Variants in ST7L observed in about 807,000 individuals in gnomAD.
ST7L encodes suppression of tumorigenicity 7 like, also known as suppressor of tumorigenicity 7 protein-like.
Under a neutral mutation model 72.5 loss-of-function variants are expected in ST7L, and 57 were observed. The ratio of observed to expected loss-of-function variants is 0.79; its 90% CI spans 0.64 to 0.98. The LOEUF (loss-of-function observed/expected upper bound fraction) is 0.98, where lower values mean the gene tolerates loss of function less well. ST7L is among the 50% of genes least tolerant of loss of function. The pLI, the probability that ST7L is intolerant of heterozygous loss-of-function variation, is 0.00. For missense variants in ST7L, 576 were observed against 672.2 expected, an observed-to-expected ratio of 0.86 and a Z score of 1.58; for synonymous variants, 221 against 240.9, an observed-to-expected ratio of 0.92 and a Z score of 0.77.
intron 14 of ST7L, among the ~76,000 whole-genome samples, chr1:112,536,226 TCAAA>T (rs1655183670): frequency 6.6e-6 from 1 of 152,202 alleles, no homozygotes; most frequent in African/African-American, 2.4e-5. Flanking sequence ...TAATCCATTT[TCAAA>T]CAAAGTGAAG....
intron 1 of ST7L, chr1:112,618,044 T>C (rs1670202261): frequency 7.7e-6 from 10 of 1,304,058 alleles, no homozygotes; most frequent in Non-Finnish European, 9.1e-6. Context: ...AAGGGGACAT[T>C]TGCTGCCTTT....
At chr1:112,580,665 C>T (rs1663959427) in intron 9 of ST7L, among the ~76,000 whole-genome samples, 1 of 152,172 alleles carries the variant, frequency 6.6e-6, no homozygotes, top group African/African-American at 2.4e-5. Flanking sequence ...TGGCTCACGC[C>T]TGTAATCCCA....
At chr1:112,605,700 A>G (rs1426847243) in intron 3 of ST7L, among the ~76,000 whole-genome samples, 3 of 152,016 alleles carry the variant, frequency 2.0e-5, no homozygotes, top group Admixed American at 6.6e-5. Flanking sequence ...AAAAAAAAAA[A>G]AGAGAAAAAG....
At chr1:112,577,350 G>T (rs1222157437) in intron 10 of ST7L, among the ~76,000 whole-genome samples, 1 of 151,252 alleles carries the variant, frequency 6.6e-6, no homozygotes, top group Non-Finnish European at 1.5e-5. Flanking sequence ...CCAACATGGA[G>T]AAACCCCGTC....
At position 112,550,667 on chromosome 1, in the gene ST7L, C is replaced by T; in HGVS notation, c.1423G>A (p.Glu475Lys). The change falls in exon 13 of 15, where the codon GAG becomes AAG. Residue 475 changes from glutamate to lysine, a missense_variant. Glu to Lys is a moderately conservative substitution (Grantham distance 56). This residue lies in a region of ST7L where 511 missense variants were observed against 600.7 expected (regional missense o/e 0.85). Transcript: ENST00000358039. ...TAAGGGTAAAATAGATGTCCTTTCT[C>T]TAACGGGTATGGAATCATTCTAAAA... is the stretch of plus-strand genomic sequence containing the variant. ...GTFRMIPYPL[E>K]KGHLFYPYPS... The T allele has an allele frequency of 2.5e-6, 4 of 1,613,338 alleles. No homozygotes were observed. Among genetic ancestry groups the T allele is most frequent in the Non-Finnish European group, 3.4e-6 (4 of 1,179,590 alleles).
intron 11 of ST7L, among the ~76,000 whole-genome samples, chr1:112,562,087 C>T (rs1324380702): frequency 1.3e-5 from 2 of 151,910 alleles, no homozygotes; most frequent in Non-Finnish European, 2.9e-5. Context: ...CTGCCTCAAC[C>T]TCCTTAGTAG....
At chr1:112,560,830 G>T (rs1482631815) in intron 11 of ST7L, among the ~76,000 whole-genome samples, 1 of 152,100 alleles carries the variant, frequency 6.6e-6, no homozygotes, top group East Asian at 1.9e-4. Context: ...AGGCATGGTG[G>T]TGGGTGCCTG....
At chr1:112,536,369 CA>C (rs1655205869) in intron 14 of ST7L, among the ~76,000 whole-genome samples, 1 of 151,808 alleles carries the variant, frequency 6.6e-6, no homozygotes, top group South Asian at 2.1e-4. Flanking sequence ...ATATATTTTT[CA>C]ATTGGTATAC....
At chr1:112,575,892 C>T (rs1355409133) in intron 11 of ST7L, among the ~76,000 whole-genome samples, 2 of 152,162 alleles carry the variant, frequency 1.3e-5, no homozygotes, top group Non-Finnish European at 2.9e-5. Flanking sequence ...TTAACCATAT[C>T]TTTACTTACT....
chr1:112,524,575 C>G lies in ST7L; in HGVS notation c.*1438G>C, dbSNP rs1653125693. On this transcript the variant is annotated 3_prime_UTR_variant, in exon 15 of 15. Transcript: ENST00000358039. ...GGAGAGCTTCACATTACACAGAGACCTGTAGCTCACACCTGGTTATTGATG... is the reference window on the plus strand; with the variant it reads ...GGAGAGCTTCACATTACACAGAGACGTGTAGCTCACACCTGGTTATTGATG... 1 of 152,664 alleles carries G rather than the reference C, an allele frequency of 6.6e-6. No homozygotes were observed. Among genetic ancestry groups the G allele is most frequent in the African/African-American group, 2.4e-5 (1 of 41,436 alleles). The allele number at this position is 152,664 out of a possible 1,614,324, so 9.5% of individuals were successfully genotyped here.
intron 2 of ST7L, 133 bp downstream of exon 2, chr1:112,616,680 T>C: frequency 1.8e-6 from 1 of 544,160 alleles, no homozygotes; most frequent in African/African-American, 2.0e-5. Flanking sequence ...AAGGCGGAAG[T>C]TGCAGTGAGC....
At chr1:112,570,804 T>C (rs1196260128) in intron 11 of ST7L, 1 of 453,530 alleles carries the variant, frequency 2.2e-6, no homozygotes, top group Non-Finnish European at 4.4e-6. Flanking sequence ...TCCCAGTTCA[T>C]ATAACATCAA....
chr1:112,524,206 C>T lies in ST7L; in HGVS notation c.*1807G>A, dbSNP rs1056005254. The stretch of plus-strand genomic sequence containing the variant: ...TCTTTGCCAAATTCTCAGACCCACT[C>T]AGGACACGAGTCTCTACATGGCTTA... On this transcript the variant is annotated 3_prime_UTR_variant, in exon 15 of 15. Transcript: ENST00000358039. 5.2e-5 allele frequency: 8 copies of T among 152,538 alleles called. No individual in the cohort carries two copies. Among genetic ancestry groups the T allele is most frequent in the African/African-American group, 1.7e-4 (7 of 41,406 alleles). The allele number at this position is 152,538 out of a possible 1,614,324, so 9.4% of individuals were successfully genotyped here. A position where few individuals can be genotyped will look rare whatever the true frequency, so the allele number is the denominator to read the frequency against.
In ST7L at chr1:112,577,100, C is replaced by T. The variant is rs199854831; in HGVS notation, c.1143-12G>A. On this transcript the variant is annotated splice_polypyrimidine_tract_variant and intron_variant, in intron 10 of 14. Coordinates refer to ENST00000358039, the MANE Select transcript of ST7L (RefSeq NM_017744.5). Reference sequence around the variant, plus strand: ...TTTCTGGAGAGAATCTACAAGAAAACCACAAAATGAAAAAATAAATATGCT... The same window carrying T: ...TTTCTGGAGAGAATCTACAAGAAAATCACAAAATGAAAAAATAAATATGCT... The T allele has an allele frequency of 1.7e-3, 2,534 of 1,515,096 alleles. 6 individuals carry two copies. Among genetic ancestry groups the T allele is most frequent in the Non-Finnish European group, 2.1e-3 (2,360 of 1,118,224 alleles). The allele number at this position is 1,515,096 out of a possible 1,614,324, so 93.9% of individuals were successfully genotyped here. A position where few individuals can be genotyped will look rare whatever the true frequency, so the allele number is the denominator to read the frequency against.
intron 9 of ST7L, among the ~76,000 whole-genome samples, chr1:112,581,207 T>A (rs970411667): frequency 3.9e-5 from 6 of 152,004 alleles, no homozygotes; most frequent in Non-Finnish European, 5.9e-5. Context: ...TTATAGTATA[T>A]ACTGCTAAGC....
downstream of ST7L, chr1:112,521,888 T>C (rs541210957): frequency 3.3e-5 from 5 of 152,326 alleles, no homozygotes; most frequent in African/African-American, 1.2e-4. Flanking sequence ...CAGAGTGGTA[T>C]AGAAATTTGC....
At chr1:112,592,950 A>G (rs915994271) in intron 5 of ST7L, among the ~76,000 whole-genome samples, 3 of 151,426 alleles carry the variant, frequency 2.0e-5, no homozygotes, top group East Asian at 3.9e-4. Flanking sequence ...GAGTTAGGAG[A>G]AAAAAAAAGA....
At chr1:112,533,371 T>G (rs1467514824) in intron 14 of ST7L, among the ~76,000 whole-genome samples, 1 of 151,988 alleles carries the variant, frequency 6.6e-6, no homozygotes, top group Non-Finnish European at 1.5e-5. Flanking sequence ...CAGGCTGGAG[T>G]GCAGTGGCGT....
chr1:112,619,638 AATC>A, upstream of ST7L: 1 of 575,040 alleles, frequency 1.7e-6, no homozygotes, highest in South Asian at 2.1e-5. Context: ...TTAGACTTCA[AATC>A]ACCTAAGGCA....
Sources: gnomAD v4.1 joint callset for allele counts (sites outside exome capture counted in the v4.1 genomes callset) on GRCh38, gnomAD v4.1.1 for gene constraint, gnomAD v4.1.1 regional missense constraint, MANE v1.5 for transcripts, NCBI Gene and HGNC (gene_info 2026-07-23, HGNC 2026-07-21) for gene names.